HTR7: variants seen among roughly 807,000 people sequenced by gnomAD.
HTR7 encodes the protein 5-HT-7.
A neutral mutation model predicts 34.0 loss-of-function variants in HTR7; 16 were observed. That is an observed-to-expected ratio of 0.47 (90% CI 0.32 to 0.71). HTR7 has a LOEUF of 0.71. Ranked by LOEUF, HTR7 falls within the 30% of genes least tolerant of loss-of-function variation. HTR7 has a pLI of 0.04. For synonymous variants in HTR7, 265 were observed against 260.2 expected, an observed-to-expected ratio of 1.02 and a Z score of -0.18; for missense variants, 504 against 625.5, an observed-to-expected ratio of 0.81 and a Z score of 2.07.
At chr10:90,840,467 C>T (rs1169498346) in intron 1 of HTR7, among the ~76,000 whole-genome samples, 1 of 152,194 alleles carries the variant, frequency 6.6e-6, no homozygotes, top group Non-Finnish European at 1.5e-5. Flanking sequence ...AACTTAGCTG[C>T]AGTATGCAAT....
At chr10:90,774,963 G>C (rs934646700) in intron 1 of HTR7, among the ~76,000 whole-genome samples, 2 of 152,156 alleles carry the variant, frequency 1.3e-5, no homozygotes, top group Admixed American at 1.3e-4. Context: ...GTGGTTTAGT[G>C]AAACATGACT....
chr10:90,782,418 T>C (rs1425349740), intron 1 of HTR7, among the ~76,000 whole-genome samples: 1 of 152,186 alleles, frequency 6.6e-6, no homozygotes, highest in East Asian at 1.9e-4. Context: ...CAATGCATGA[T>C]ACATAGTATG....
chr10:90,781,858 T>C lies in HTR7; in HGVS notation c.540-32264A>G, dbSNP rs115780404. Among the ~76,000 whole-genome samples the C allele has an allele frequency of 7.4e-3, 1,124 of 152,352 alleles. 16 individuals are homozygous for C. The highest frequency in any genetic ancestry group is 0.025 in the African/African-American group (1,040 of 41,578). ...GGCATAACCCTGCCTGTGGCCATAGTAAGCACAGGCAGCAGTCAAACCACA... is the reference window on the plus strand; with the variant it reads ...GGCATAACCCTGCCTGTGGCCATAGCAAGCACAGGCAGCAGTCAAACCACA... On this transcript the variant is annotated intron_variant, in intron 1 of 3. Coordinates refer to ENST00000336152, the MANE Select transcript of HTR7 (RefSeq NM_019859.4).
intron 1 of HTR7, among the ~76,000 whole-genome samples, chr10:90,813,146 A>G (rs1845843255): frequency 6.6e-6 from 1 of 151,682 alleles, no homozygotes; most frequent in Non-Finnish European, 1.5e-5. Flanking sequence ...CCCCACCCCT[A>G]TCTCCCTTTG....
intron 1 of HTR7, among the ~76,000 whole-genome samples, chr10:90,848,136 T>C (rs1184227188): frequency 6.9e-6 from 1 of 145,306 alleles, no homozygotes; most frequent in East Asian, 2.1e-4. Flanking sequence ...TGGCGCGATC[T>C]CGGCTCACCG....
intron 1 of HTR7, among the ~76,000 whole-genome samples, chr10:90,830,214 T>C (rs561006239): frequency 6.6e-6 from 1 of 152,342 alleles, no homozygotes; most frequent in East Asian, 1.9e-4. Flanking sequence ...AGTCTTCCTT[T>C]GAAGAAGATC....
chr10:90,845,372 G>T (rs1846399468), intron 1 of HTR7, among the ~76,000 whole-genome samples: 1 of 152,126 alleles, frequency 6.6e-6, no homozygotes, highest in African/African-American at 2.4e-5. Context: ...GCAGGCAATG[G>T]CTACAATGAC....
intron 1 of HTR7, among the ~76,000 whole-genome samples, chr10:90,809,903 T>C (rs554143589): frequency 6.6e-6 from 1 of 152,324 alleles, no homozygotes; most frequent in South Asian, 2.1e-4. Context: ...AGACTGACAC[T>C]GCCTGATCAC....
intron 1 of HTR7, among the ~76,000 whole-genome samples, chr10:90,764,888 C>A (rs1844997043): frequency 6.6e-6 from 1 of 151,986 alleles, no homozygotes; most frequent in Non-Finnish European, 1.5e-5. Flanking sequence ...TGTGGTGTAT[C>A]ATATTTATTG....
intron 1 of HTR7, among the ~76,000 whole-genome samples, chr10:90,846,404 T>C (rs1251574752): frequency 6.6e-6 from 1 of 152,186 alleles, no homozygotes; most frequent in Non-Finnish European, 1.5e-5. Context: ...GGTTTAGCAG[T>C]TGAGATTAAG....
chr10:90,789,066 G>A (rs1010451050), intron 1 of HTR7, among the ~76,000 whole-genome samples: 34 of 152,106 alleles, frequency 2.2e-4, no homozygotes, highest in African/African-American at 8.0e-4. Context: ...TATTGTCATC[G>A]TGCACCAACT....
At chr10:90,742,675 G>A in intron 3 of HTR7, 147 bp from the exon 4 acceptor site, 1 of 537,886 alleles carries the variant, frequency 1.9e-6, no homozygotes, top group Non-Finnish European at 3.3e-6. Context: ...ATCCTTCAAG[G>A]GAAAGAAAAA....
At chr10:90,760,063 C>T (rs955776495) in intron 1 of HTR7, among the ~76,000 whole-genome samples, 11 of 152,172 alleles carry the variant, frequency 7.2e-5, no homozygotes, top group Non-Finnish European at 1.0e-4. Flanking sequence ...TGCATCCCCA[C>T]GTTTATTGTA....
rs997612151 is a variant in HTR7, at chr10:90,770,662, G to A, written c.540-21068C>T. On this transcript the variant is annotated intron_variant, in intron 1 of 3. Transcript: ENST00000336152. ...AGCACTGACATGCCAGCCCCCTGTC[G>A]CCCTGGCCCTCTCTAGACATTGGGC... Among the ~76,000 whole-genome samples the A allele has an allele frequency of 7.9e-5, 12 of 152,314 alleles. No homozygotes were observed. The South Asian group carries it at 8.3e-4, about 11-fold the overall frequency.
intron 1 of HTR7, among the ~76,000 whole-genome samples, chr10:90,758,696 G>A (rs1002793531): frequency 1.4e-4 from 22 of 151,956 alleles, no homozygotes; most frequent in African/African-American, 4.1e-4. Flanking sequence ...GGGAAAAAGC[G>A]ATATAGAATT....
chr10:90,850,138 A>G (rs1353126521), intron 1 of HTR7, among the ~76,000 whole-genome samples: 1 of 152,264 alleles, frequency 6.6e-6, no homozygotes, highest in Non-Finnish European at 1.5e-5. Flanking sequence ...GTGAAACCTA[A>G]GCCCAGCACC....
In HTR7 at chr10:90,752,162, C is replaced by T. The variant is rs191390099; in HGVS notation, c.540-2568G>A. On this transcript the variant is annotated intron_variant, in intron 1 of 3. Transcript: ENST00000336152. ...GGCTCCTCACTTCCACCTGGTGAGA[C>T]ATCATAAGGCTAAAATCAACTGAAA... Among the ~76,000 whole-genome samples, 3 of 152,116 alleles carry T rather than the reference C, an allele frequency of 2.0e-5. No homozygotes were observed. The East Asian group carries it at 5.8e-4, about 29-fold the overall frequency.
At chr10:90,747,518 A>T (rs1485131983) in intron 2 of HTR7, among the ~76,000 whole-genome samples, 1 of 152,226 alleles carries the variant, frequency 6.6e-6, no homozygotes, top group Non-Finnish European at 1.5e-5. Context: ...GAATTAGCAT[A>T]GCTGTAGTCT....
At chr10:90,842,940 C>A (rs1038607120) in intron 1 of HTR7, among the ~76,000 whole-genome samples, 9 of 152,100 alleles carry the variant, frequency 5.9e-5, no homozygotes, top group Admixed American at 5.2e-4. Flanking sequence ...TGTCCCACTG[C>A]CTCTACACTG....
Sources: allele counts gnomAD v4.1 joint callset (sites outside exome capture counted in the v4.1 genomes callset), GRCh38; gene constraint gnomAD v4.1.1; transcripts MANE v1.5; gene names NCBI Gene and HGNC (gene_info 2026-07-23, HGNC 2026-07-21).